Variants in C12orf54 observed in about 807,000 individuals in gnomAD.
C12orf54 encodes uncharacterized protein C12orf54.
A neutral mutation model predicts 26.4 loss-of-function variants in C12orf54; 24 were observed. The ratio of observed to expected loss-of-function variants is 0.91; its 90% CI spans 0.66 to 1.28. C12orf54 has a LOEUF of 1.28. Ranked by LOEUF, C12orf54 falls within the 50% of genes most tolerant of loss-of-function variation. The pLI is 0.00. For synonymous variants in C12orf54, 54 were observed against 47.0 expected (o/e 1.15, Z -0.61); for missense variants, 154 against 150.9 (o/e 1.02, Z -0.11).
chr12:48,474,295 T>C, the C12orf54 span, among the ~76,000 whole-genome samples: 1 of 152,204 alleles, frequency 6.6e-6, no homozygotes, highest in African/African-American at 2.4e-5. Flanking sequence ...ACAGCTCTGG[T>C]CTACAGCTCC....
the C12orf54 span, among the ~76,000 whole-genome samples, chr12:48,420,992 ATTC>A: frequency 6.6e-6 from 1 of 152,126 alleles, no homozygotes; most frequent in Non-Finnish European, 1.5e-5. Context: ...TAAAGGCTCT[ATTC>A]TTCACTGGTT....
chr12:48,471,304 C>A, the C12orf54 span, among the ~76,000 whole-genome samples: 2 of 152,128 alleles, frequency 1.3e-5, no homozygotes, highest in African/African-American at 4.8e-5. Context: ...GACGAGTACT[C>A]CATTGTGTAT....
chr12:48,445,141 C>G, the C12orf54 span, among the ~76,000 whole-genome samples: 1 of 151,966 alleles, frequency 6.6e-6, no homozygotes, highest in Non-Finnish European at 1.5e-5. Context: ...CCACTGCACT[C>G]CAGCCTGGGC....
the C12orf54 span, among the ~76,000 whole-genome samples, chr12:48,413,743 T>G: frequency 6.6e-6 from 1 of 152,244 alleles, no homozygotes; most frequent in African/African-American, 2.4e-5. Flanking sequence ...TTATAGAGTT[T>G]GCTTTATCCT....
the C12orf54 span, among the ~76,000 whole-genome samples, chr12:48,422,664 T>G: frequency 6.6e-6 from 1 of 152,084 alleles, no homozygotes; most frequent in Non-Finnish European, 1.5e-5. Flanking sequence ...ATAAGAAAAA[T>G]TAATATTTCT....
chr12:48,437,803 A>G, the C12orf54 span, among the ~76,000 whole-genome samples: 1 of 152,140 alleles, frequency 6.6e-6, no homozygotes, highest in Non-Finnish European at 1.5e-5. Flanking sequence ...ATCATACTGA[A>G]TGGACAAAAA....
chr12:48,446,531 G>C, the C12orf54 span, among the ~76,000 whole-genome samples: 1 of 152,166 alleles, frequency 6.6e-6, no homozygotes. Flanking sequence ...GGATGGCAAA[G>C]TATGATCTGA....
chr12:48,428,960 A>G, the C12orf54 span, among the ~76,000 whole-genome samples: 1 of 152,212 alleles, frequency 6.6e-6, no homozygotes, highest in African/African-American at 2.4e-5. Context: ...TCAGAAAGAT[A>G]ATCCACTATG....
At chr12:48,429,567 A>G in the C12orf54 span, among the ~76,000 whole-genome samples, 1 of 150,580 alleles carries the variant, frequency 6.6e-6, no homozygotes, top group African/African-American at 2.5e-5. Context: ...CCCCTTTTAC[A>G]ATAGCTGCAA....
the C12orf54 span, among the ~76,000 whole-genome samples, chr12:48,427,208 G>T: frequency 3.3e-5 from 5 of 152,294 alleles, no homozygotes; most frequent in East Asian, 9.6e-4. Flanking sequence ...GATGTTGGCT[G>T]TGGGTTTGTC....
intron 7 of C12orf54, among the ~76,000 whole-genome samples, chr12:48,493,643 A>G (rs1225400879): frequency 8.4e-6 from 1 of 118,434 alleles, no homozygotes; most frequent in East Asian, 2.5e-4. Context: ...AAAAAAAAAA[A>G]AAAGGGATCC....
At chr12:48,441,302 C>A in the C12orf54 span, among the ~76,000 whole-genome samples, 1 of 152,072 alleles carries the variant, frequency 6.6e-6, no homozygotes, top group Non-Finnish European at 1.5e-5. Flanking sequence ...AAAAGGCTGA[C>A]CTTTGACTCT....
chr12:48,488,116 T>G lies in C12orf54; in HGVS notation c.136-808T>G, dbSNP rs536562095. On this transcript the variant is annotated intron_variant, in intron 4 of 8. Transcript: ENST00000548364. Reference sequence around the variant, plus strand: ...CAGTCTCTCAAGTCCCAAGGCTGCATGAAGGAACAGTTTGCCTGGAGACAT... The same window carrying G: ...CAGTCTCTCAAGTCCCAAGGCTGCAGGAAGGAACAGTTTGCCTGGAGACAT... The G allele has an allele frequency of 4.9e-6, 4 of 816,742 alleles. No homozygotes were observed. The African/African-American group carries it at 6.5e-5, about 13-fold the overall frequency. 50.6% of individuals were successfully genotyped at this position (816,742 alleles called of 1,614,324 possible). A position where few individuals can be genotyped will look rare whatever the true frequency, so the allele number is the denominator to read the frequency against.
chr12:48,485,769 T>G (rs1165252076), intron 2 of C12orf54, among the ~76,000 whole-genome samples: 1 of 152,176 alleles, frequency 6.6e-6, no homozygotes, highest in East Asian at 1.9e-4. Context: ...AGAACACTTT[T>G]TCGGGGGATA....
chr12:48,482,175 C>G (rs773308312), upstream of C12orf54, among the ~76,000 whole-genome samples: 1 of 152,182 alleles, frequency 6.6e-6, no homozygotes, highest in Admixed American at 6.5e-5. Context: ...CTCTGAAGGA[C>G]CTAGCTCTTG....
At chr12:48,470,037 T>C in the C12orf54 span, among the ~76,000 whole-genome samples, 2 of 152,360 alleles carry the variant, frequency 1.3e-5, no homozygotes, top group East Asian at 1.9e-4. Context: ...TTCATTTTTA[T>C]GGCTACATGC....
Position 48,488,909 on chromosome 12 carries a change from T to G in C12orf54, c.136-15T>G, listed in dbSNP as rs368968008. The G allele has an allele frequency of 1.3e-4, 212 of 1,585,124 alleles. No homozygotes were observed. Among genetic ancestry groups the G allele is most frequent in the Non-Finnish European group, 1.8e-4 (205 of 1,155,950 alleles). On this transcript the variant is annotated splice_polypyrimidine_tract_variant and intron_variant, in intron 4 of 8. Coordinates refer to ENST00000548364, the MANE Select transcript of C12orf54 (RefSeq NM_152319.4). ...TCTACAATATTATTTTTTCTATATT[T>G]TTGTCTTCTGTCAGGTGCTGACAGT...
At chr12:48,414,752 T>C in the C12orf54 span, among the ~76,000 whole-genome samples, 4 of 152,168 alleles carry the variant, frequency 2.6e-5, no homozygotes, top group African/African-American at 9.7e-5. Flanking sequence ...GGGATGGGCA[T>C]CCACTCCTGC....
chr12:48,457,035 T>A, the C12orf54 span, among the ~76,000 whole-genome samples: 4 of 152,164 alleles, frequency 2.6e-5, no homozygotes, highest in Admixed American at 2.6e-4. Context: ...ACTTTGTAGC[T>A]CCTAAATCAT....
Sources: allele counts gnomAD v4.1 joint callset (sites outside exome capture counted in the v4.1 genomes callset), GRCh38; gene constraint gnomAD v4.1.1; transcripts MANE v1.5; gene names NCBI Gene and HGNC (gene_info 2026-07-23, HGNC 2026-07-21).